APBA2: variants seen among roughly 807,000 people sequenced by gnomAD.
APBA2 encodes amyloid-beta A4 precursor protein-binding family A member 2.
APBA2 carries 30 observed loss-of-function variants against 75.0 expected under a neutral mutation model. The observed-to-expected ratio is 0.40, with a 90% CI of 0.30 to 0.54. The LOEUF (loss-of-function observed/expected upper bound fraction) is 0.54. Among genes scored for constraint, APBA2 ranks in the 20% least tolerant of loss-of-function variants. The pLI is 0.49. For missense variants in APBA2, 801 were observed against 1,016.1 expected (o/e 0.79, Z 2.88); for synonymous variants, 444 against 409.6 (o/e 1.08, Z -1.01).
intron 4 of APBA2, among the ~76,000 whole-genome samples, chr15:29,058,263 C>G (rs367811150): frequency 6.6e-6 from 1 of 152,096 alleles, no homozygotes; most frequent in African/African-American, 2.4e-5. Flanking sequence ...GTAATCCCAG[C>G]ACTTTGGGAG....
chr15:28,966,661 C>T (rs1023245861), intron 2 of APBA2, among the ~76,000 whole-genome samples: 8 of 151,976 alleles, frequency 5.3e-5, no homozygotes, highest in South Asian at 4.2e-4. Context: ...GTAGTTAGAC[C>T]ATTTATATTT....
At chr15:29,079,032 A>T (rs1422039264) in intron 6 of APBA2, among the ~76,000 whole-genome samples, 1 of 152,144 alleles carries the variant, frequency 6.6e-6, no homozygotes, top group East Asian at 1.9e-4. Flanking sequence ...CTAGATGGGA[A>T]AATTCTAATG....
At chr15:29,104,231 G>A (rs1331867507) in intron 10 of APBA2, among the ~76,000 whole-genome samples, 2 of 152,236 alleles carry the variant, frequency 1.3e-5, no homozygotes, top group African/African-American at 2.4e-5. Context: ...GGGGGCGCCC[G>A]TGCAGGACCC....
chr15:29,023,254 T>C (rs1400041527), intron 3 of APBA2, among the ~76,000 whole-genome samples: 1 of 152,072 alleles, frequency 6.6e-6, no homozygotes, highest in Non-Finnish European at 1.5e-5. Context: ...ATAGCAGCCT[T>C]CCTAATCTTG....
intron 2 of APBA2, among the ~76,000 whole-genome samples, chr15:28,972,841 C>T (rs2037137860): frequency 6.6e-6 from 1 of 152,180 alleles, no homozygotes; most frequent in Non-Finnish European, 1.5e-5. Flanking sequence ...TGATCCAACA[C>T]TTTTAAACAA....
chr15:29,104,266 G>T (rs369524579), intron 10 of APBA2, among the ~76,000 whole-genome samples: 6 of 152,242 alleles, frequency 3.9e-5, no homozygotes, highest in African/African-American at 7.2e-5. Context: ...GGGGAGGCAC[G>T]TGAGGAGCAG....
chr15:29,064,320 G>T (rs1415216506), intron 4 of APBA2, among the ~76,000 whole-genome samples: 3 of 152,278 alleles, frequency 2.0e-5, no homozygotes, highest in South Asian at 2.1e-4. Context: ...CTCCTGATGT[G>T]GGGGGCCGGC....
intron 8 of APBA2, among the ~76,000 whole-genome samples, chr15:29,097,364 G>A (rs577814225): frequency 1.3e-5 from 2 of 152,346 alleles, no homozygotes; most frequent in Admixed American, 6.5e-5. Context: ...GCTCCCGGGG[G>A]CTGGCCCTCC....
intron 2 of APBA2, among the ~76,000 whole-genome samples, chr15:28,967,426 A>G (rs917349516): frequency 2.6e-5 from 4 of 151,996 alleles, no homozygotes; most frequent in Admixed American, 6.6e-5. Flanking sequence ...TCCTCTCTCC[A>G]TCCCTTTATT....
chr15:29,042,081 C>T (rs904137805), intron 3 of APBA2, among the ~76,000 whole-genome samples: 15 of 152,204 alleles, frequency 9.9e-5, no homozygotes, highest in African/African-American at 2.4e-4. Context: ...CTGTCCCATG[C>T]GTCTCCGTTT....
intron 4 of APBA2, among the ~76,000 whole-genome samples, chr15:29,074,116 T>C (rs1201288650): frequency 6.6e-6 from 1 of 152,204 alleles, no homozygotes; most frequent in Non-Finnish European, 1.5e-5. Flanking sequence ...AGAGTTATCC[T>C]ATGATCCAGT....
chr15:29,047,006 G>A (rs17681323), intron 3 of APBA2, among the ~76,000 whole-genome samples: 5,758 of 152,262 alleles, frequency 0.038, 159 homozygotes, highest in East Asian at 0.08. Flanking sequence ...TGCACTGGTT[G>A]CTCTCTTCTT....
At chr15:28,934,499 A>C (rs1595495066) in intron 2 of APBA2, among the ~76,000 whole-genome samples, 2 of 152,196 alleles carry the variant, frequency 1.3e-5, no homozygotes, top group East Asian at 3.9e-4. Context: ...TGTAGTGACC[A>C]GTGACATCCC....
intron 2 of APBA2, among the ~76,000 whole-genome samples, chr15:28,950,912 C>T (rs1186524762): frequency 1.3e-5 from 2 of 152,162 alleles, no homozygotes; most frequent in Non-Finnish European, 2.9e-5. Flanking sequence ...TTTTATTGCT[C>T]AAACTGTCCC....
chr15:28,942,988 C>A (rs2035323706), intron 2 of APBA2, among the ~76,000 whole-genome samples: 1 of 152,224 alleles, frequency 6.6e-6, no homozygotes, highest in African/African-American at 2.4e-5. Flanking sequence ...GTTTTCAGCC[C>A]TCTAATTTGT....
intron 2 of APBA2, among the ~76,000 whole-genome samples, chr15:28,927,403 G>T (rs991035377): frequency 6.6e-6 from 1 of 151,548 alleles, no homozygotes; most frequent in Non-Finnish European, 1.5e-5. Context: ...AGCCTCCATG[G>T]TCTGTGGCTT....
At chr15:28,956,175 G>A (rs539990596) in intron 2 of APBA2, among the ~76,000 whole-genome samples, 71 of 152,180 alleles carry the variant, frequency 4.7e-4, no homozygotes, top group Non-Finnish European at 6.9e-4. Context: ...TGTGGTAACA[G>A]AAGGGTGGGG....
intron 8 of APBA2, 70 bp downstream of exon 8, chr15:29,094,383 G>A (rs757885907): frequency 2.7e-6 from 4 of 1,459,766 alleles, no homozygotes; most frequent in African/African-American, 2.8e-5. Context: ...CTGGGCAGTG[G>A]GGGCTGGGGG....
chr15:29,046,919 C>T lies in APBA2; in HGVS notation c.-40-6926C>T, dbSNP rs2041363719. ...CCGTTCCCATCTAAGACATTCACCTCATCAGGCATCTCTCCTGGACCATTT... is the reference window on the plus strand; with the variant it reads ...CCGTTCCCATCTAAGACATTCACCTTATCAGGCATCTCTCCTGGACCATTT... On this transcript the variant is annotated intron_variant, in intron 3 of 14. Transcript: ENST00000683413. The surrounding 1 kb of genome is among the most constrained non-coding windows in gnomAD (Gnocchi z 5.0). Among the ~76,000 whole-genome samples the T allele has an allele frequency of 6.6e-6, 1 of 152,256 alleles. No individual in the cohort carries two copies. The highest frequency in any genetic ancestry group is 1.5e-5 in the Non-Finnish European group (1 of 68,046).
Sources: allele counts gnomAD v4.1 joint callset (sites outside exome capture counted in the v4.1 genomes callset), GRCh38; gene constraint gnomAD v4.1.1; non-coding constraint Gnocchi (gnomAD v3.1); transcripts MANE v1.5; gene names NCBI Gene and HGNC (gene_info 2026-07-23, HGNC 2026-07-21).